Variants in LIPI observed in about 807,000 individuals in gnomAD.
The protein encoded by LIPI is lipase I.
In LIPI, 59 loss-of-function variants were observed where a neutral mutation model predicts 50.6. The observed-to-expected ratio is 1.16, with a 90% CI of 0.94 to 1.45. The LOEUF (loss-of-function observed/expected upper bound fraction) is 1.45, where lower values mean the gene tolerates loss of function less well. Ranked by LOEUF, LIPI falls within the 40% of genes most tolerant of loss-of-function variation. LIPI has a pLI of 0.00. For synonymous variants in LIPI, 203 were observed against 178.2 expected (o/e 1.14, Z -1.11); for missense variants, 586 against 536.3 (o/e 1.09, Z -0.92).
intron 2 of LIPI, among the ~76,000 whole-genome samples, chr21:14,187,327 C>T: frequency 6.6e-6 from 1 of 152,242 alleles, no homozygotes; most frequent in East Asian, 1.9e-4. Context: ...TGTCTGATGG[C>T]TTACAGAAAG....
At chr21:14,153,846 T>C (rs1369991894) in intron 7 of LIPI, among the ~76,000 whole-genome samples, 1 of 152,196 alleles carries the variant, frequency 6.6e-6, no homozygotes, top group Non-Finnish European at 1.5e-5. Context: ...ATTTTTTCAG[T>C]CTGGGTCTTA....
chr21:14,154,419 A>G (rs1242907186), intron 7 of LIPI, among the ~76,000 whole-genome samples: 1 of 152,082 alleles, frequency 6.6e-6, no homozygotes, highest in African/African-American at 2.4e-5. Context: ...CTACTATTGA[A>G]AAGCTACTAC....
chr21:14,181,843 C>T lies in LIPI; in HGVS notation c.558G>A (p.Gly186=). 6.2e-7 allele frequency: 1 copy of T among 1,609,276 alleles called. No individual in the cohort carries two copies. Residue 186 remains glycine, a synonymous_variant, in exon 4 of 10, where the codon GGG becomes GGA. Transcript: ENST00000681601. ...LGRITGLDPA[G]PRFSRKPPYS... ...ATGGTGGTTTTCTGGAGAACCTTGGCCCAGCAGGGTCAAGACCTGGAAAGC... is the reference window on the plus strand; with the variant it reads ...ATGGTGGTTTTCTGGAGAACCTTGGTCCAGCAGGGTCAAGACCTGGAAAGC...
At chr21:14,159,790 T>G (rs13050803) in intron 7 of LIPI, among the ~76,000 whole-genome samples, 39,156 of 151,186 alleles carry the variant, frequency 0.26, 5,343 homozygotes, top group Middle Eastern at 0.34. Flanking sequence ...ATTCAGCAAG[T>G]TCCCAGGAAA....
intron 1 of LIPI, among the ~76,000 whole-genome samples, chr21:14,208,626 ACG>A (rs2020285908): frequency 1.4e-5 from 1 of 69,264 alleles, no homozygotes; most frequent in Non-Finnish European, 2.7e-5. Context: ...GTATTCGTGC[ACG>A]TGCACATGCA....
intron 4 of LIPI, among the ~76,000 whole-genome samples, chr21:14,180,898 G>T (rs986773766): frequency 6.6e-6 from 1 of 152,076 alleles, no homozygotes; most frequent in African/African-American, 2.4e-5. Context: ...TAGTGTCACT[G>T]CCCTTGTCTC....
chr21:14,186,816 GGCATAATCTAT>G (rs2019472751), intron 2 of LIPI, among the ~76,000 whole-genome samples: 1 of 152,160 alleles, frequency 6.6e-6, no homozygotes, highest in South Asian at 2.1e-4. Context: ...ACAGTGAAAA[GGCATAATCTAT>G]GAACCAGGAA....
At chr21:14,173,748 A>G (rs935407507) in intron 4 of LIPI, among the ~76,000 whole-genome samples, 2 of 151,876 alleles carry the variant, frequency 1.3e-5, no homozygotes, top group African/African-American at 4.8e-5. Context: ...ACATGAGAAC[A>G]CTGGGCATGT....
intron 1 of LIPI, among the ~76,000 whole-genome samples, chr21:14,194,527 T>C (rs187298565): frequency 3.5e-4 from 53 of 152,152 alleles, no homozygotes; most frequent in Non-Finnish European, 6.0e-4. Context: ...TTATGTCAAG[T>C]GAAAATAAAC....
intron 9 of LIPI, among the ~76,000 whole-genome samples, chr21:14,123,641 AC>A (rs1348108668): frequency 6.6e-6 from 1 of 152,148 alleles, no homozygotes; most frequent in African/African-American, 2.4e-5. Flanking sequence ...TGGAAAGATA[AC>A]AAATGGCCTC....
chr21:14,146,852 C>T (rs995166316), intron 8 of LIPI, among the ~76,000 whole-genome samples: 1 of 132,410 alleles, frequency 7.6e-6, no homozygotes, highest in Non-Finnish European at 1.5e-5. Flanking sequence ...AATCTCGGCT[C>T]ACTGAAACCT....
At chr21:14,173,120 T>A (rs907532553) in intron 4 of LIPI, among the ~76,000 whole-genome samples, 24 of 152,152 alleles carry the variant, frequency 1.6e-4, no homozygotes, top group African/African-American at 5.8e-4. Context: ...ATGTGAAGGA[T>A]GTGAGGCGGT....
chr21:14,204,303 GA>G (rs1232778893), intron 1 of LIPI, among the ~76,000 whole-genome samples: 3 of 151,480 alleles, frequency 2.0e-5, no homozygotes, highest in African/African-American at 7.3e-5. Flanking sequence ...AAAAGAGGTA[GA>G]AGGGTTTGGG....
rs557877453 is a variant in LIPI, at chr21:14,128,914, G to T, written c.1295+15709C>A. Among the ~76,000 whole-genome samples the T allele has an allele frequency of 1.2e-4, 19 of 152,156 alleles. 2 individuals are homozygous for T. The highest frequency in any genetic ancestry group is 1.2e-3 in the South Asian group (6 of 4,826). ...CTGGGTGAGAGTATTGATCATTATA[G>T]TTCTCAGAGTGAGAATGGTAGCAGA... On this transcript the variant is annotated intron_variant, in intron 9 of 9. Transcript: ENST00000681601.
At chr21:14,173,939 T>A (rs2019006402) in intron 4 of LIPI, among the ~76,000 whole-genome samples, 1 of 152,208 alleles carries the variant, frequency 6.6e-6, no homozygotes, top group South Asian at 2.1e-4. Flanking sequence ...TCCCATCATC[T>A]TCTTAGCCTG....
intron 9 of LIPI, among the ~76,000 whole-genome samples, chr21:14,127,260 C>G (rs1414293530): frequency 6.6e-6 from 1 of 152,200 alleles, no homozygotes; most frequent in Non-Finnish European, 1.5e-5. Context: ...TTAAATCTCA[C>G]TAATTGCACA....
Position 14,207,271 on chromosome 21 carries a change from A to G in LIPI, c.46+3529T>C, listed in dbSNP as rs1180793674. Among the ~76,000 whole-genome samples the G allele has an allele frequency of 4.6e-5, 7 of 152,218 alleles. 1 individual carries two copies. The highest frequency in any genetic ancestry group is 1.0e-4 in the Non-Finnish European group (7 of 68,024). ...CAGCGTAGAATGACTATAGTTAACA[A>G]TAATACATAGTTTCAAATAGCTAGG... On this transcript the variant is annotated intron_variant, in intron 1 of 9. Transcript: ENST00000681601.
At chr21:14,131,573 T>C (rs1328397811) in intron 9 of LIPI, among the ~76,000 whole-genome samples, 2 of 152,082 alleles carry the variant, frequency 1.3e-5, no homozygotes, top group Non-Finnish European at 2.9e-5. Flanking sequence ...TTCTCCCCTA[T>C]AGAAGCACTT....
At position 14,121,920 on chromosome 21, in the gene LIPI, G is replaced by C. The variant is rs2016877654; in HGVS notation, c.1296-12840C>G. On this transcript the variant is annotated intron_variant, in intron 9 of 9. Coordinates refer to ENST00000681601, the MANE Select transcript of LIPI (RefSeq NM_001302998.2). ...GAAGCTTGAGGAAACGTCAAGCCCT[G>C]CTCTAGTCACACAACAGGAAGCTGA... Among the ~76,000 whole-genome samples, 3 of 152,220 alleles carry C rather than the reference G, an allele frequency of 2.0e-5. No individual in the cohort carries two copies. In the South Asian group the frequency reaches 6.2e-4, roughly 31 times the overall value.
Sources: allele counts gnomAD v4.1 joint callset (sites outside exome capture counted in the v4.1 genomes callset), GRCh38; gene constraint gnomAD v4.1.1; transcripts MANE v1.5; gene names NCBI Gene and HGNC (gene_info 2026-07-23, HGNC 2026-07-21).